Variants in CAPN14 observed in about 807,000 individuals in gnomAD.
CAPN14 encodes the protein calpain 14.
A neutral mutation model predicts 101.3 loss-of-function variants in CAPN14; 94 were observed. That is an observed-to-expected ratio of 0.93 (90% CI 0.79 to 1.10). The LOEUF (loss-of-function observed/expected upper bound fraction) is 1.10. Among genes scored for constraint, CAPN14 ranks in the 50% least tolerant of loss-of-function variants. CAPN14 has a pLI of 0.00. For synonymous variants in CAPN14, 338 were observed against 317.9 expected, an observed-to-expected ratio of 1.06 and a Z score of -0.67; for missense variants, 837 against 828.4, an observed-to-expected ratio of 1.01 and a Z score of -0.13.
intron 16 of CAPN14, among the ~76,000 whole-genome samples, chr2:31,182,565 T>G (rs1353990292): frequency 2.3e-5 from 3 of 130,022 alleles, no homozygotes; most frequent in African/African-American, 3.5e-5. Flanking sequence ...AGCCAAATCA[T>G]GAGTGAACTC....
At chr2:31,212,839 C>T (rs1329198904) in intron 1 of CAPN14, among the ~76,000 whole-genome samples, 1 of 152,210 alleles carries the variant, frequency 6.6e-6, no homozygotes, top group African/African-American at 2.4e-5. Flanking sequence ...AAGTACCATG[C>T]ACTCACTCAC....
chr2:31,185,457 T>A (rs533605302), intron 16 of CAPN14, among the ~76,000 whole-genome samples: 2 of 152,384 alleles, frequency 1.3e-5, no homozygotes, highest in South Asian at 4.1e-4. Context: ...TAGGACTAAA[T>A]GAAAGCAATT....
chr2:31,213,263 C>A (rs894358394), intron 1 of CAPN14, among the ~76,000 whole-genome samples: 2 of 152,162 alleles, frequency 1.3e-5, no homozygotes, highest in African/African-American at 4.8e-5. Context: ...ATGTACTGTG[C>A]CTACTCTCAG....
intron 8 of CAPN14, among the ~76,000 whole-genome samples, chr2:31,195,299 C>T (rs1462644206): frequency 6.6e-6 from 1 of 152,228 alleles, no homozygotes; most frequent in African/African-American, 2.4e-5. Context: ...CTGGGAATCT[C>T]AGGCATTCCT....
chr2:31,230,786 C>A lies in CAPN14; in HGVS notation c.-177+3005G>T, dbSNP rs1051377517. Among the ~76,000 whole-genome samples the A allele has an allele frequency of 1.3e-5, 2 of 152,136 alleles. No homozygotes were observed. Among genetic ancestry groups the A allele is most frequent in the Non-Finnish European group, 2.9e-5 (2 of 68,024 alleles). ...TGTATAGGAAATATCTTTTCACTCA[C>A]TTTTGTATTTTTAGTTGAACGAAAG... On this transcript the variant is annotated intron_variant and NMD_transcript_variant, in intron 1 of 21. Coordinates refer to the CAPN14 transcript ENST00000398824. This position sits in a 1 kb window ranked among gnomAD's most constrained non-coding sequence, Gnocchi z 4.3.
chr2:31,183,092 T>TC (rs1680731016), intron 16 of CAPN14, among the ~76,000 whole-genome samples: 2 of 151,420 alleles, frequency 1.3e-5, no homozygotes. Flanking sequence ...GGGAAAGGAT[T>TC]TCCTATTTAA....
At position 31,230,318 on chromosome 2, in the gene CAPN14, C is replaced by T. The variant is rs1425820781; in HGVS notation, c.-177+3473G>A. ...TACAAATAATGTTGCCATCAACATT[C>T]TTAAGACTTATCTCCCTATGCACAT... On this transcript the variant is annotated intron_variant and NMD_transcript_variant, in intron 1 of 21. Transcript: ENST00000398824. This position sits in a 1 kb window ranked among gnomAD's most constrained non-coding sequence, Gnocchi z 4.3. Among the ~76,000 whole-genome samples the T allele has an allele frequency of 6.6e-6, 1 of 151,658 alleles. No homozygotes were observed. The highest frequency in any genetic ancestry group is 1.5e-5 in the Non-Finnish European group (1 of 67,766).
In CAPN14 at chr2:31,177,055, T is replaced by C. The variant is rs1172329675; in HGVS notation, c.1943A>G (p.His648Arg). 3 of 1,551,504 alleles carry C rather than the reference T, an allele frequency of 1.9e-6. No individual in the cohort carries two copies. Among genetic ancestry groups the C allele is most frequent in the Non-Finnish European group, 1.7e-6 (2 of 1,146,854 alleles). The change falls in exon 20 of 22, where the codon CAC becomes CGC. Residue 648 changes from histidine to arginine, a missense_variant. By Grantham distance (29) the His-to-Arg change is conservative (BLOSUM62 0). Coordinates refer to ENST00000403897, the MANE Select transcript of CAPN14 (RefSeq NM_001145122.2). ...CATGTTCTCTACACGCAGCATCAAG[T>C]GGATGAAACTGACAAAGTCCATCTG... ...RLQMDFVSFI[H>R]LMLRVENMED...
intron 2 of CAPN14, among the ~76,000 whole-genome samples, chr2:31,203,495 T>G (rs768757180): frequency 6.6e-5 from 10 of 152,202 alleles, no homozygotes; most frequent in African/African-American, 1.2e-4. Context: ...TTCTCCCCTA[T>G]TCCTCCTTCT....
chr2:31,197,487 C>T (rs1420917474), intron 7 of CAPN14, among the ~76,000 whole-genome samples, 153 bp from the exon 8 acceptor site: 1 of 152,184 alleles, frequency 6.6e-6, no homozygotes, highest in African/African-American at 2.4e-5. Flanking sequence ...GCTTCTTGTA[C>T]TTACAAGCTG....
chr2:31,210,206 G>A (rs1026374673), intron 1 of CAPN14, among the ~76,000 whole-genome samples: 1 of 152,192 alleles, frequency 6.6e-6, no homozygotes, highest in African/African-American at 2.4e-5. Flanking sequence ...CACTTTGGGA[G>A]GCTGAGGAGG....
chr2:31,186,117 A>G (rs973393834), intron 16 of CAPN14, among the ~76,000 whole-genome samples: 1 of 152,176 alleles, frequency 6.6e-6, no homozygotes, highest in Admixed American at 6.5e-5. Context: ...GTTCTTCCAC[A>G]TGGAATTGAT....
intron 13 of CAPN14, 53 bp downstream of exon 13, chr2:31,189,220 C>G: frequency 6.7e-7 from 1 of 1,500,834 alleles, no homozygotes; most frequent in South Asian, 1.2e-5. Flanking sequence ...GCCCTCCTTG[C>G]CTGTCCTCGT....
At chr2:31,197,683 G>A (rs1434270137) in intron 7 of CAPN14, among the ~76,000 whole-genome samples, 1 of 152,230 alleles carries the variant, frequency 6.6e-6, no homozygotes, top group Non-Finnish European at 1.5e-5. Context: ...TGTAATTAAA[G>A]TAAGGACCTG....
At chr2:31,181,794 T>G (rs1341523860) in intron 16 of CAPN14, among the ~76,000 whole-genome samples, 1 of 148,438 alleles carries the variant, frequency 6.7e-6, no homozygotes, top group East Asian at 2.0e-4. Context: ...GTCCTTGCGA[T>G]AGTTTACTGA....
At chr2:31,188,657 G>T (rs946650220) in intron 13 of CAPN14, among the ~76,000 whole-genome samples, 7 of 152,154 alleles carry the variant, frequency 4.6e-5, no homozygotes, top group Non-Finnish European at 5.9e-5. Context: ...CTGTGGCCGA[G>T]ACATAAAAAA....
chr2:31,188,387 T>C (rs781417947), intron 13 of CAPN14, 33 bp from the exon 14 acceptor site: 1 of 1,550,090 alleles, frequency 6.5e-7, no homozygotes, highest in African/African-American at 1.4e-5. Flanking sequence ...AAACTCAGAG[T>C]TTCCTCTTGG....
intron 3 of CAPN14, 98 bp downstream of exon 3, chr2:31,202,972 G>A (rs1681873886): frequency 4.9e-6 from 5 of 1,016,508 alleles, no homozygotes; most frequent in Admixed American, 4.4e-5. Flanking sequence ...CTCTCCAGTG[G>A]GGATCTCTGG....
At chr2:31,229,670 C>A (rs1469238891) in intron 1 of CAPN14, among the ~76,000 whole-genome samples, 1 of 113,398 alleles carries the variant, frequency 8.8e-6, no homozygotes, top group East Asian at 2.2e-4. Context: ...CAGAGCAAGA[C>A]CCTATGTCCA....
Sources: allele counts gnomAD v4.1 joint callset (sites outside exome capture counted in the v4.1 genomes callset), GRCh38; gene constraint gnomAD v4.1.1; non-coding constraint Gnocchi (gnomAD v3.1); transcripts MANE v1.5; gene names NCBI Gene and HGNC (gene_info 2026-07-23, HGNC 2026-07-21).